OCA2: variants seen among roughly 807,000 people sequenced by gnomAD.
The protein encoded by OCA2 is P protein.
A neutral mutation model predicts 100.2 loss-of-function variants in OCA2; 77 were observed. That is an observed-to-expected ratio of 0.77 (90% CI 0.64 to 0.93). The LOEUF is 0.93. Ranked by LOEUF, OCA2 falls within the 40% of genes least tolerant of loss-of-function variation. OCA2 has a pLI of 0.00. For missense variants in OCA2, 1,062 were observed against 1,089.1 expected (o/e 0.98, Z 0.35); for synonymous variants, 432 against 439.2 (o/e 0.98, Z 0.21).
chr15:28,012,184 A>G (rs150802340), intron 9 of OCA2, among the ~76,000 whole-genome samples: 5 of 152,348 alleles, frequency 3.3e-5, no homozygotes, highest in African/African-American at 1.2e-4. Context: ...ACATGAAAAG[A>G]TAATATCCAA....
downstream of OCA2, among the ~76,000 whole-genome samples, chr15:27,753,614 G>A (rs1017583156): frequency 1.3e-5 from 2 of 152,054 alleles, no homozygotes; most frequent in African/African-American, 4.8e-5. Context: ...GCGGGTGCAT[G>A]TAGTCCCAGC....
intron 23 of OCA2, among the ~76,000 whole-genome samples, chr15:27,760,613 A>G (rs547642251): frequency 6.6e-6 from 1 of 152,042 alleles, no homozygotes; most frequent in Non-Finnish European, 1.5e-5. Context: ...GTCAATATCA[A>G]TGAAACAGGA....
At chr15:28,055,480 C>A (rs1399065999) in intron 2 of OCA2, among the ~76,000 whole-genome samples, 4 of 152,190 alleles carry the variant, frequency 2.6e-5, no homozygotes, top group Admixed American at 1.3e-4. Context: ...GGGCTTTGGG[C>A]AGAGTTGGCC....
intron 21 of OCA2, among the ~76,000 whole-genome samples, chr15:27,863,277 C>T (rs758369457): frequency 6.6e-6 from 1 of 152,150 alleles, no homozygotes; most frequent in Non-Finnish European, 1.5e-5. Context: ...CAGTTCCGGG[C>T]GGATCCCCTG....
At chr15:27,851,213 C>T (rs925051552) in intron 22 of OCA2, among the ~76,000 whole-genome samples, 169 bp downstream of exon 22, 20 of 152,196 alleles carry the variant, frequency 1.3e-4, no homozygotes, top group African/African-American at 4.6e-4. Context: ...TGGGAAGGAA[C>T]GGAGTTGCTC....
At position 27,985,175 on chromosome 15, in the gene OCA2, G is replaced by T. The variant is rs1022437524; in HGVS notation, c.1253C>A (p.Ser418Tyr). The T allele has an allele frequency of 6.2e-7, 1 of 1,613,712 alleles. No homozygotes were observed. The highest frequency in any genetic ancestry group is 1.3e-5 in the African/African-American group (1 of 74,948). The change falls in exon 13 of 24, where the codon TCC (serine) becomes TAC (tyrosine). Residue 418 changes from serine (S) to tyrosine (Y), a missense_variant. Physicochemically the swap from Ser to Tyr is moderately radical, Grantham distance 144. Coordinates refer to ENST00000354638, the MANE Select transcript of OCA2 (RefSeq NM_000275.3). ...DYCAVKAYRL[S>Y]RGRVWAMIIM... ...GATCATGGCCCACACCCGTCCCCGG[G>T]AGAGCCGGTATGCCTGGCCACACAC...
intron 2 of OCA2, among the ~76,000 whole-genome samples, chr15:28,058,864 C>A (rs565864509): frequency 6.6e-6 from 1 of 152,148 alleles, no homozygotes; most frequent in Non-Finnish European, 1.5e-5. Context: ...GGAGAGTCTG[C>A]GCTGGGGTGC....
intron 1 of OCA2, among the ~76,000 whole-genome samples, chr15:28,089,037 C>A (rs1326437344): frequency 1.3e-5 from 2 of 152,172 alleles, no homozygotes; most frequent in Non-Finnish European, 2.9e-5. Context: ...GAGGCCTCCC[C>A]TTAGGGACAC....
At chr15:28,057,743 T>G (rs749392097) in intron 2 of OCA2, among the ~76,000 whole-genome samples, 1 of 152,190 alleles carries the variant, frequency 6.6e-6, no homozygotes, top group Non-Finnish European at 1.5e-5. Flanking sequence ...GCACAAGCCC[T>G]CTGAGAGTAA....
chr15:28,005,466 C>T (rs912373863), intron 9 of OCA2, among the ~76,000 whole-genome samples: 3 of 152,154 alleles, frequency 2.0e-5, no homozygotes, highest in Admixed American at 2.0e-4. Flanking sequence ...CATCCTACAT[C>T]GAGGCGTCGC....
At chr15:28,075,856 G>A (rs2044411720) in intron 2 of OCA2, among the ~76,000 whole-genome samples, 2 of 152,190 alleles carry the variant, frequency 1.3e-5, no homozygotes, top group Non-Finnish European at 2.9e-5. Context: ...ACAGAAAACA[G>A]ATTGATGGTT....
chr15:27,774,333 T>C (rs1029060906), intron 23 of OCA2, among the ~76,000 whole-genome samples: 15 of 152,268 alleles, frequency 9.9e-5, no homozygotes, highest in Admixed American at 2.6e-4. Flanking sequence ...TTCAAGGGCC[T>C]ACATCTGAGG....
chr15:28,039,637 C>T (rs1344410546), intron 2 of OCA2, among the ~76,000 whole-genome samples: 1 of 152,174 alleles, frequency 6.6e-6, no homozygotes, highest in Non-Finnish European at 1.5e-5. Flanking sequence ...TAGTACCCCA[C>T]AATGTGTGAA....
At chr15:28,062,166 C>G (rs2141673512) in intron 2 of OCA2, among the ~76,000 whole-genome samples, 1 of 152,346 alleles carries the variant, frequency 6.6e-6, no homozygotes, top group Non-Finnish European at 1.5e-5. Context: ...AATGGCAGCA[C>G]TATTTTATAT....
the OCA2 span, among the ~76,000 whole-genome samples, chr15:27,720,364 A>G: frequency 6.6e-6 from 1 of 150,560 alleles, no homozygotes; most frequent in Admixed American, 6.6e-5. Flanking sequence ...CAAGCGTCAC[A>G]GAAATATATA....
At chr15:27,781,885 A>C (rs1054369244) in intron 23 of OCA2, among the ~76,000 whole-genome samples, 1 of 152,204 alleles carries the variant, frequency 6.6e-6, no homozygotes, top group African/African-American at 2.4e-5. Context: ...CACACAGGAG[A>C]CTGAGGTCTG....
intron 23 of OCA2, among the ~76,000 whole-genome samples, chr15:27,816,231 A>G (rs2034293902): frequency 6.6e-6 from 1 of 152,190 alleles, no homozygotes; most frequent in African/African-American, 2.4e-5. Context: ...GAAGGAGGGG[A>G]GGGAGGGACA....
At chr15:27,751,693 G>C (rs1566934766), downstream of OCA2, among the ~76,000 whole-genome samples, 1 of 152,200 alleles carries the variant, frequency 6.6e-6, no homozygotes, top group African/African-American at 2.4e-5. Context: ...ACAGCTGCAG[G>C]TATCCCAAGG....
intron 23 of OCA2, among the ~76,000 whole-genome samples, chr15:27,797,507 T>G (rs2151157718): frequency 6.6e-6 from 1 of 152,216 alleles, no homozygotes; most frequent in African/African-American, 2.4e-5. Flanking sequence ...GGCAGGCGTG[T>G]TCAGAAACAC....
Sources: gnomAD v4.1 joint callset for allele counts (sites outside exome capture counted in the v4.1 genomes callset) on GRCh38, gnomAD v4.1.1 for gene constraint, MANE v1.5 for transcripts, NCBI Gene and HGNC (gene_info 2026-07-23, HGNC 2026-07-21) for gene names.